The following LRMDA variants were observed in gnomAD, a reference collection of about 807,000 sequenced individuals.
The protein encoded by LRMDA is leucine rich melanocyte differentiation associated, also known as leucine-rich melanocyte differentiation-associated protein.
LRMDA carries 18 observed loss-of-function variants against 29.8 expected under a neutral mutation model. That is an observed-to-expected ratio of 0.60 (90% CI 0.42 to 0.90). The LOEUF is 0.90. Ranked by LOEUF, LRMDA falls within the 40% of genes least tolerant of loss-of-function variation. The pLI is 0.00. For missense variants in LRMDA, 273 were observed against 273.9 expected, an observed-to-expected ratio of 1.00 and a Z score of 0.02; for synonymous variants, 125 against 109.4, an observed-to-expected ratio of 1.14 and a Z score of -0.89.
chr10:76,495,399 A>G (rs951790074), intron 6 of LRMDA, among the ~76,000 whole-genome samples: 2 of 151,940 alleles, frequency 1.3e-5, no homozygotes, highest in South Asian at 2.1e-4. Flanking sequence ...ATACTATACT[A>G]TCTTGATTAT....
intron 5 of LRMDA, among the ~76,000 whole-genome samples, chr10:76,065,419 G>T (rs1023455600): frequency 2.0e-5 from 3 of 152,220 alleles, no homozygotes; most frequent in Non-Finnish European, 4.4e-5. Context: ...GCCTTGCCAG[G>T]TGCTGAGCAC....
At chr10:75,499,457 T>C (rs2132067900) in intron 2 of LRMDA, among the ~76,000 whole-genome samples, 1 of 152,352 alleles carries the variant, frequency 6.6e-6, no homozygotes. Context: ...GTGCTTACTC[T>C]CTGGGCCTTG....
intron 5 of LRMDA, among the ~76,000 whole-genome samples, chr10:76,245,603 T>G (rs1018121607): frequency 3.9e-5 from 6 of 152,252 alleles, no homozygotes; most frequent in African/African-American, 1.4e-4. Context: ...GGGCAATCAC[T>G]TTACCCACAT....
At chr10:76,306,308 C>T (rs558179397) in intron 5 of LRMDA, among the ~76,000 whole-genome samples, 1 of 152,310 alleles carries the variant, frequency 6.6e-6, no homozygotes, top group East Asian at 1.9e-4. Context: ...GGGCTCTAGC[C>T]CAGAAGAGTT....
chr10:76,220,367 C>CACT (rs2132256806), intron 5 of LRMDA, among the ~76,000 whole-genome samples: 1 of 151,888 alleles, frequency 6.6e-6, no homozygotes, highest in East Asian at 1.9e-4. Context: ...ATTGATAGAC[C>CACT]ACTAGCAAGA....
At chr10:76,351,708 GAA>G (rs113853687) in intron 6 of LRMDA, among the ~76,000 whole-genome samples, 2 of 133,724 alleles carry the variant, frequency 1.5e-5, no homozygotes, top group Admixed American at 7.6e-5. Flanking sequence ...ACTCTAGTCT[GAA>G]AAAAAAAAAA....
At chr10:75,555,855 G>A (rs1840206928) in intron 2 of LRMDA, among the ~76,000 whole-genome samples, 1 of 152,118 alleles carries the variant, frequency 6.6e-6, no homozygotes, top group Admixed American at 6.5e-5. Context: ...CATCATATAG[G>A]GAAAGATTGG....
chr10:75,953,945 G>A (rs992855559), intron 2 of LRMDA, among the ~76,000 whole-genome samples: 5 of 152,172 alleles, frequency 3.3e-5, no homozygotes, highest in South Asian at 2.1e-4. Flanking sequence ...ATCTGAAAGC[G>A]CAGAACTTTC....
At chr10:75,569,368 A>T (rs1472768471) in intron 2 of LRMDA, among the ~76,000 whole-genome samples, 2 of 152,134 alleles carry the variant, frequency 1.3e-5, no homozygotes, top group Admixed American at 6.5e-5. Flanking sequence ...TAAAATTCTG[A>T]TATCTTACTG....
chr10:76,149,285 G>C (rs1289971423), intron 5 of LRMDA, among the ~76,000 whole-genome samples: 1 of 152,232 alleles, frequency 6.6e-6, no homozygotes, highest in East Asian at 1.9e-4. Context: ...AGGATGTGCT[G>C]TGAGGACGGA....
rs958620538 is a variant in LRMDA, at chr10:76,075,065, T to C, written c.516+16282T>C. Among the ~76,000 whole-genome samples the C allele has an allele frequency of 1.2e-4, 18 of 152,156 alleles. No individual in the cohort carries two copies. In the South Asian group the frequency reaches 1.2e-3, roughly 11 times the overall value. On this transcript the variant is annotated intron_variant, in intron 5 of 6. Transcript: ENST00000611255. ...AGTCTGGGTTTTTGGGTGGCACACA[T>C]CACTTCTGCCCATTGGCCAAAACTC...
chr10:76,108,373 G>A (rs781049617), intron 5 of LRMDA, among the ~76,000 whole-genome samples: 8 of 152,120 alleles, frequency 5.3e-5, no homozygotes, highest in Non-Finnish European at 1.0e-4. Flanking sequence ...TGTACATTAC[G>A]CATGTGTGGA....
At chr10:75,847,721 G>T (rs1225340591) in intron 2 of LRMDA, among the ~76,000 whole-genome samples, 1 of 152,072 alleles carries the variant, frequency 6.6e-6, no homozygotes, top group Non-Finnish European at 1.5e-5. Context: ...TATACAAATG[G>T]CTAACAAGCA....
At chr10:75,527,295 C>G (rs1845424665) in intron 2 of LRMDA, among the ~76,000 whole-genome samples, 1 of 152,166 alleles carries the variant, frequency 6.6e-6, no homozygotes, top group African/African-American at 2.4e-5. Flanking sequence ...TAATGGATAT[C>G]TGGGTTTTGG....
intron 5 of LRMDA, among the ~76,000 whole-genome samples, chr10:76,096,979 A>T (rs776357034): frequency 1.7e-4 from 26 of 150,616 alleles, no homozygotes; most frequent in Admixed American, 2.7e-4. Flanking sequence ...TCAAATTGAC[A>T]ATCATGTTAC....
chr10:75,598,382 G>C (rs1840828728), intron 2 of LRMDA, among the ~76,000 whole-genome samples: 1 of 152,108 alleles, frequency 6.6e-6, no homozygotes, highest in Non-Finnish European at 1.5e-5. Flanking sequence ...ATGCTGTTTA[G>C]CCTAAAAAAG....
rs769712639 is a variant in LRMDA, at chr10:75,613,724, G to A, written c.131+175230G>A. Among the ~76,000 whole-genome samples the A allele has an allele frequency of 2.6e-4, 40 of 152,294 alleles. No individual in the cohort carries two copies. In the Middle Eastern group the frequency reaches 0.01, roughly 39 times the overall value. ...AGTGTTTCGTGCAGGGGAGATGTTA[G>A]CAAACCACTGACATATGGATGTGAT... On this transcript the variant is annotated intron_variant, in intron 2 of 6. Transcript: ENST00000611255.
intron 2 of LRMDA, among the ~76,000 whole-genome samples, chr10:75,440,316 G>A (rs1844312628): frequency 6.6e-6 from 1 of 151,118 alleles, no homozygotes; most frequent in African/African-American, 2.4e-5. Context: ...GTTGAGAGGA[G>A]AGACATTTCT....
chr10:76,234,189 C>T (rs115427224), intron 5 of LRMDA, among the ~76,000 whole-genome samples: 2,048 of 152,280 alleles, frequency 0.013, 45 homozygotes, highest in African/African-American at 0.043. Flanking sequence ...GCATTGATCT[C>T]CTTGTATATC....
Sources: gnomAD v4.1 joint callset for allele counts (sites outside exome capture counted in the v4.1 genomes callset) on GRCh38, gnomAD v4.1.1 for gene constraint, MANE v1.5 for transcripts, NCBI Gene and HGNC (gene_info 2026-07-23, HGNC 2026-07-21) for gene names.